Variants in SMYD3 observed in about 807,000 individuals in gnomAD.
SMYD3 encodes histone-lysine N-methyltransferase SMYD3.
SMYD3 carries 36 observed loss-of-function variants against 57.7 expected under a neutral mutation model. The observed-to-expected ratio is 0.62, with a 90% CI of 0.48 to 0.82. The LOEUF (loss-of-function observed/expected upper bound fraction) is 0.82. SMYD3 is among the 40% of genes least tolerant of loss of function. SMYD3 has a pLI of 0.00. For missense variants in SMYD3, 515 were observed against 538.8 expected (o/e 0.96, Z 0.44); for synonymous variants, 211 against 195.0 (o/e 1.08, Z -0.68).
intron 5 of SMYD3, among the ~76,000 whole-genome samples, chr1:246,307,564 C>T (rs1184538032): frequency 2.9e-4 from 44 of 151,230 alleles, no homozygotes; most frequent in Non-Finnish European, 5.0e-4. Context: ...GGACTACAGG[C>T]GCCCGCCACC....
At chr1:246,197,433 T>C (rs2148348942) in intron 5 of SMYD3, among the ~76,000 whole-genome samples, 1 of 151,990 alleles carries the variant, frequency 6.6e-6, no homozygotes, top group South Asian at 2.1e-4. Context: ...AAAACGGCAC[T>C]TTATCTCTGT....
At chr1:246,199,087 A>C (rs1247319092) in intron 5 of SMYD3, among the ~76,000 whole-genome samples, 3 of 151,914 alleles carry the variant, frequency 2.0e-5, no homozygotes, top group Admixed American at 6.5e-5. Flanking sequence ...TGAGCCTAGT[A>C]CCCAATGGGT....
intron 5 of SMYD3, among the ~76,000 whole-genome samples, chr1:246,123,979 C>T (rs1294589035): frequency 2.6e-5 from 4 of 152,200 alleles, no homozygotes; most frequent in Admixed American, 6.5e-5. Context: ...TCTATATCTA[C>T]GAATATACCA....
chr1:246,129,017 C>T lies in SMYD3; in HGVS notation c.531+198184G>A, dbSNP rs577504425. On this transcript the variant is annotated intron_variant, in intron 5 of 11. Transcript: ENST00000490107. ...TTTGCCATGTTACTCAAGCTAGTCT[C>T]GAACTCCAGGGCTCCAGCGATCTGC... Among the ~76,000 whole-genome samples the T allele has an allele frequency of 1.4e-4, 22 of 152,094 alleles. 1 individual carries two copies. The highest frequency in any genetic ancestry group is 5.2e-4 in the Admixed American group (8 of 15,282).
In SMYD3 at chr1:246,355,768, C is replaced by A. The variant is rs1309504994; in HGVS notation, c.165-674G>T. On this transcript the variant is annotated intron_variant, in intron 1 of 11. Coordinates refer to ENST00000490107, the MANE Select transcript of SMYD3 (RefSeq NM_001167740.2). The surrounding 1 kb of genome is among the most constrained non-coding windows in gnomAD (Gnocchi z 5.0). ...TCCATTAGACTGAAAACCACATCCC[C>A]ATCCCAACAGCAGCCGCAGCAATCC... is the stretch of plus-strand genomic sequence containing the variant. Among the ~76,000 whole-genome samples the A allele has an allele frequency of 6.6e-6, 1 of 152,112 alleles. No homozygotes were observed. Among genetic ancestry groups the A allele is most frequent in the African/African-American group, 2.4e-5 (1 of 41,414 alleles).
intron 5 of SMYD3, among the ~76,000 whole-genome samples, chr1:246,213,755 C>G (rs181429708): frequency 6.6e-6 from 1 of 152,308 alleles, no homozygotes. Flanking sequence ...ATCTTAGCAT[C>G]TGTAATGGCC....
chr1:246,242,340 C>T (rs770352347), intron 5 of SMYD3, among the ~76,000 whole-genome samples: 3 of 152,138 alleles, frequency 2.0e-5, no homozygotes, highest in East Asian at 3.8e-4. Flanking sequence ...GCCTTCATTT[C>T]GTTATGTACC....
At position 246,267,365 on chromosome 1, in the gene SMYD3, GA is replaced by G. The variant is rs975330006; in HGVS notation, c.531+59835del. On this transcript the variant is annotated intron_variant, in intron 5 of 11. Coordinates refer to ENST00000490107, the MANE Select transcript of SMYD3 (RefSeq NM_001167740.2). ...TATTCTGGGCCCAATTTTAAAAGTA[GA>G]AAAAAAATGGTATTATTTTATGGTT... Among the ~76,000 whole-genome samples the G allele has an allele frequency of 9.4e-4, 142 of 151,812 alleles. 1 individual carries two copies. Among genetic ancestry groups the G allele is most frequent in the African/African-American group, 3.4e-3 (140 of 41,412 alleles).
chr1:246,067,588 G>A (rs1212229035), intron 5 of SMYD3, among the ~76,000 whole-genome samples: 4 of 151,990 alleles, frequency 2.6e-5, no homozygotes, highest in Non-Finnish European at 2.9e-5. Context: ...TAATAGCTGC[G>A]CCCACACACA....
intron 5 of SMYD3, among the ~76,000 whole-genome samples, chr1:246,243,923 A>T (rs757004746): frequency 7.5e-6 from 1 of 132,966 alleles, no homozygotes; most frequent in Admixed American, 8.2e-5. Context: ...AAGCCAACCA[A>T]TCTTTGTTGG....
intron 5 of SMYD3, among the ~76,000 whole-genome samples, chr1:246,146,301 A>T (rs996467274): frequency 2.6e-5 from 4 of 152,202 alleles, no homozygotes; most frequent in South Asian, 2.1e-4. Context: ...ATTTCTAGGG[A>T]TTTCCAGCAA....
rs59644890 is a variant in SMYD3, at chr1:245,785,644, C to CGAGA, written c.1077-21499_1077-21496dup. Among the ~76,000 whole-genome samples, 126 of 149,434 alleles carry CGAGA rather than the reference C, an allele frequency of 8.4e-4. 1 individual carries two copies. The highest frequency in any genetic ancestry group is 2.7e-3 in the African/African-American group (112 of 40,808). ...ACCTCTCCCCCAGAGAGAGAGCGAG[C>CGAGA]GAGAGAGAGAGAGAGAGTGCGTGAG... On this transcript the variant is annotated intron_variant, in intron 10 of 11. Coordinates refer to ENST00000490107, the MANE Select transcript of SMYD3 (RefSeq NM_001167740.2).
chr1:246,126,581 T>C (rs1444017624), intron 5 of SMYD3, among the ~76,000 whole-genome samples: 1 of 152,222 alleles, frequency 6.6e-6, no homozygotes, highest in Non-Finnish European at 1.5e-5. Context: ...TTCATGGCAT[T>C]TCAATCACCA....
At chr1:246,137,687 G>T (rs1206595932) in intron 5 of SMYD3, among the ~76,000 whole-genome samples, 1 of 152,198 alleles carries the variant, frequency 6.6e-6, no homozygotes, top group Non-Finnish European at 1.5e-5. Context: ...CTTAGATCAT[G>T]ATCGATTTTT....
rs61840456 is a variant in SMYD3, at chr1:246,194,326, A to G, written c.531+132875T>C. Among the ~76,000 whole-genome samples, 890 of 150,492 alleles carry G rather than the reference A, an allele frequency of 5.9e-3. 4 individuals carry two copies. Among genetic ancestry groups the G allele is most frequent in the East Asian group, 0.018 (93 of 5,134 alleles). ...CCAGTCACCCAGGCTGGAGTGCAGTAGTGCGATCTCAGCTCACCACAACCT... is the reference window on the plus strand; with the variant it reads ...CCAGTCACCCAGGCTGGAGTGCAGTGGTGCGATCTCAGCTCACCACAACCT... On this transcript the variant is annotated intron_variant, in intron 5 of 11. Coordinates refer to ENST00000490107, the MANE Select transcript of SMYD3 (RefSeq NM_001167740.2).
chr1:246,159,346 G>A (rs2148191106), intron 5 of SMYD3, among the ~76,000 whole-genome samples: 1 of 152,268 alleles, frequency 6.6e-6, no homozygotes, highest in East Asian at 1.9e-4. Context: ...CTACTGAGCA[G>A]TAACTCAGCC....
chr1:246,060,685 C>A (rs2060236468), intron 5 of SMYD3, among the ~76,000 whole-genome samples: 2 of 152,056 alleles, frequency 1.3e-5, no homozygotes, highest in South Asian at 4.1e-4. Context: ...TCTTCATTTG[C>A]AAAATGAGTC....
chr1:246,078,587 A>C (rs1245878088), intron 5 of SMYD3, among the ~76,000 whole-genome samples: 1 of 152,176 alleles, frequency 6.6e-6, no homozygotes, highest in Non-Finnish European at 1.5e-5. Flanking sequence ...GGCAATGGAG[A>C]GTCGAAGAAG....
At chr1:245,839,606 G>A (rs901952080) in intron 10 of SMYD3, among the ~76,000 whole-genome samples, 10 of 151,738 alleles carry the variant, frequency 6.6e-5, no homozygotes, top group South Asian at 2.1e-4. Context: ...AAAATGTTCC[G>A]AAATTGATTG....
Sources: gnomAD v4.1 joint callset for allele counts (sites outside exome capture counted in the v4.1 genomes callset) on GRCh38, gnomAD v4.1.1 for gene constraint, Gnocchi (gnomAD v3.1) non-coding constraint, MANE v1.5 for transcripts, NCBI Gene and HGNC (gene_info 2026-07-23, HGNC 2026-07-21) for gene names.